ANKLE2: variants seen among roughly 807,000 people sequenced by gnomAD.
The protein encoded by ANKLE2 is ankyrin repeat and LEM domain-containing protein 2.
Under a neutral mutation model 84.2 loss-of-function variants are expected in ANKLE2, and 55 were observed. That is an observed-to-expected ratio of 0.65 (90% CI 0.53 to 0.82). The LOEUF is 0.82. Ranked by LOEUF, ANKLE2 falls within the 40% of genes least tolerant of loss-of-function variation. The pLI is 0.00. For synonymous variants in ANKLE2, 551 were observed against 486.1 expected, an observed-to-expected ratio of 1.13 and a Z score of -1.76; for missense variants, 1,238 against 1,201.9, an observed-to-expected ratio of 1.03 and a Z score of -0.44.
chr12:132,746,314 A>G (rs945076060), intron 5 of ANKLE2, among the ~76,000 whole-genome samples: 2 of 143,898 alleles, frequency 1.4e-5, no homozygotes, highest in Non-Finnish European at 1.5e-5. Flanking sequence ...GTGCCACTGC[A>G]CTCCCACCTG....
chr12:132,745,895 C>T (rs756956397), intron 5 of ANKLE2, among the ~76,000 whole-genome samples: 12 of 152,210 alleles, frequency 7.9e-5, no homozygotes, highest in Admixed American at 2.0e-4. Context: ...CACAAGGAGA[C>T]GTGGCTACCG....
intron 12 of ANKLE2, 145 bp from the exon 13 acceptor site, chr12:132,727,588 A>ACTGCTGAACCCTGGCAACGTGGGCACACG: frequency 2.2e-6 from 1 of 446,452 alleles, no homozygotes; most frequent in Non-Finnish European, 3.4e-6. Context: ...GCGGGCACAC[A>ACTGCTGAACCCTGGCAACGTGGGCACACG]CGCCCGGGTG....
intron 2 of ANKLE2, among the ~76,000 whole-genome samples, chr12:132,753,864 G>A (rs143601826): frequency 0.011 from 1,642 of 152,352 alleles, 28 homozygotes; most frequent in African/African-American, 0.037. Flanking sequence ...CAGAAAGGTT[G>A]AGGCTGCAGT....
In ANKLE2 at chr12:132,755,026, T is replaced by A; in HGVS notation, c.289A>T (p.Thr97Ser). ...TTTTTCTCAAAAATGAACCTTGTAG[T>A]TGATGTAATGGGTCCACATTTCAAT... Reference protein sequence around the residue: ...AGLKCGPITSTTRFIFEKKLA... With the variant: ...AGLKCGPITSSTRFIFEKKLA... The change falls in exon 2 of 13, where the codon ACT becomes TCT. Residue 97 changes from threonine (T) to serine (S), a missense_variant. By Grantham distance (58) the Thr-to-Ser change is moderately conservative. Around this residue, in one of 3 missense-constraint regions of ANKLE2, gnomAD observed 422 missense variants for 394.5 expected, o/e 1.07. Transcript: ENST00000357997. The A allele has an allele frequency of 1.2e-6, 2 of 1,614,184 alleles. No homozygotes were observed. Among genetic ancestry groups the A allele is most frequent in the South Asian group, 2.2e-5 (2 of 91,088 alleles).
Position 132,754,795 on chromosome 12 carries a change from T to C in ANKLE2, c.520A>G (p.Lys174Glu), listed in dbSNP as rs2044440592. 1 of 1,614,172 alleles carries C rather than the reference T, an allele frequency of 6.2e-7. No individual in the cohort carries two copies. The change falls in exon 2 of 13, where the codon AAG becomes GAG. Residue 174 changes from lysine (K) to glutamate (E), a missense_variant. Physicochemically the swap from Lys to Glu is moderately conservative, Grantham distance 56 (BLOSUM62 1). Around this residue, in one of 3 missense-constraint regions of ANKLE2, gnomAD observed 422 missense variants for 394.5 expected, o/e 1.07. Coordinates refer to ENST00000357997, the MANE Select transcript of ANKLE2 (RefSeq NM_015114.3). ...NPPEEEAVTSKTCSVPPSDTD... is the reference protein window; with the variant it reads ...NPPEEEAVTSETCSVPPSDTD... ...TCACTAGGGGGCACCGAGCAGGTCT[T>C]GGATGTCACAGCTTCCTCCTCTGGA...
chr12:132,759,085 CACCCCGGGGCACCCACGTGGCAGAGTGG>C (rs2044551113), intron 1 of ANKLE2: 1 of 124,120 alleles, frequency 8.1e-6, no homozygotes, highest in African/African-American at 3.4e-5. Context: ...TGCGGAGTGG[CACCCCGGGGCACCCACGTGGCAGAGTGG>C]ATCACGCAGA....
In ANKLE2 at chr12:132,748,002, C is replaced by A. The variant is rs117750374; in HGVS notation, c.1060G>T (p.Val354Leu). The change falls in exon 5 of 13, where the codon GTG becomes TTG. Residue 354 changes from valine (V) to leucine (L), a missense_variant. Physicochemically the swap from Val to Leu is conservative, Grantham distance 32. Coordinates refer to ENST00000357997, the MANE Select transcript of ANKLE2 (RefSeq NM_015114.3). ...TIVQEGCRYN[V>L]MHVAAKENQA... ...TTCTCTTTGGCAGCAACATGCATCA[C>A]GTTGTACCTGCACCCTTCCTGAAAG... 7.1e-5 allele frequency: 113 copies of A among 1,601,640 alleles called. No individual in the cohort carries two copies. Among genetic ancestry groups the A allele is most frequent in the East Asian group, 3.6e-4 (16 of 44,796 alleles).
intron 5 of ANKLE2, among the ~76,000 whole-genome samples, chr12:132,744,824 G>T (rs368960462): frequency 2.0e-5 from 3 of 152,134 alleles, no homozygotes; most frequent in Admixed American, 6.5e-5. Flanking sequence ...GGGACTACAG[G>T]TGCCCGCCAC....
At chr12:132,754,614 C>G in intron 2 of ANKLE2, 61 bp downstream of exon 2, 1 of 1,481,260 alleles carries the variant, frequency 6.8e-7, no homozygotes, top group Non-Finnish European at 9.0e-7. Context: ...TTTCAGACGT[C>G]ATCCCGCCCC....
intron 1 of ANKLE2, chr12:132,758,519 C>T (rs1315585400): frequency 2.0e-5 from 3 of 152,388 alleles, no homozygotes; most frequent in East Asian, 3.9e-4. Flanking sequence ...TTATAATGTT[C>T]CATTAACAAT....
At chr12:132,734,755 T>A (rs1397190661) in intron 9 of ANKLE2, 180 bp from the exon 10 acceptor site, 1 of 614,512 alleles carries the variant, frequency 1.6e-6, no homozygotes, top group Non-Finnish European at 2.7e-6. Flanking sequence ...ACAGCACGCC[T>A]CCTCACAGGT....
Position 132,725,514 on chromosome 12 carries a change from T to C in ANKLE2, c.*1728A>G, listed in dbSNP as rs956350183. ...TTATTACCACGCGGTTTTGAAGTAA[T>C]TCATTTCATTAAGTGTTTTGTGAAG... On this transcript the variant is annotated 3_prime_UTR_variant, in exon 13 of 13. Coordinates refer to ENST00000357997, the MANE Select transcript of ANKLE2 (RefSeq NM_015114.3). The C allele has an allele frequency of 4.6e-5, 7 of 152,212 alleles. No individual in the cohort carries two copies. The highest frequency in any genetic ancestry group is 1.0e-4 in the Non-Finnish European group (7 of 68,036). 9.4% of individuals were successfully genotyped at this position (152,212 alleles called of 1,614,324 possible). A position where few individuals can be genotyped will look rare whatever the true frequency, so the allele number is the denominator to read the frequency against.
intron 12 of ANKLE2, 44 bp downstream of exon 12, chr12:132,727,988 C>T: frequency 6.4e-7 from 1 of 1,567,358 alleles, no homozygotes; most frequent in Non-Finnish European, 8.6e-7. Flanking sequence ...CAGAAGTTTC[C>T]AAAAGCTGCC....
At chr12:132,732,611 T>C (rs2043894040) in intron 10 of ANKLE2, among the ~76,000 whole-genome samples, 2 of 126,972 alleles carry the variant, frequency 1.6e-5, no homozygotes, top group African/African-American at 3.0e-5. Flanking sequence ...TGAAGCTCTC[T>C]GCGTCCTGGT....
At chr12:132,733,439 T>A (rs187885483) in intron 10 of ANKLE2, among the ~76,000 whole-genome samples, 105 of 115,116 alleles carry the variant, frequency 9.1e-4, no homozygotes, top group African/African-American at 3.4e-3. Context: ...CGTGTGAAGC[T>A]CTCTGCGTGC....
intron 5 of ANKLE2, among the ~76,000 whole-genome samples, chr12:132,744,506 C>A (rs73487132): frequency 6.6e-6 from 1 of 152,082 alleles, no homozygotes; most frequent in African/African-American, 2.4e-5. Flanking sequence ...CTAGGTCACC[C>A]GCAAATGTCC....
rs772358736 is a variant in ANKLE2, at chr12:132,754,936, C to T, written c.379G>A (p.Val127Ile). 1 of 1,614,216 alleles carries T rather than the reference C, an allele frequency of 6.2e-7. No homozygotes were observed. The highest frequency in any genetic ancestry group is 1.1e-5 in the South Asian group (1 of 91,086). ...TGTGGGTCCTGGCTGAGAGCTGTGACACCTGCCTCATGGTGGTAGAAAGAA... is the reference window on the plus strand; with the variant it reads ...TGTGGGTCCTGGCTGAGAGCTGTGATACCTGCCTCATGGTGGTAGAAAGAA... ...LSSFYHHEAG[V>I]TALSQDPQRI... is the part of the protein sequence containing the mutation. Residue 127 changes from valine (V) to isoleucine (I), a missense_variant, in exon 2 of 13, where the codon GTC becomes ATC. Physicochemically the swap from Val to Ile is conservative, Grantham distance 29 (BLOSUM62 3). Transcript: ENST00000357997.
intron 1 of ANKLE2, chr12:132,759,622 A>G (rs936156189): frequency 6.9e-6 from 1 of 144,950 alleles, no homozygotes; most frequent in Non-Finnish European, 1.5e-5. Context: ...ATAAATCAGT[A>G]TTTTTTTATT....
rs577692117 is a variant in ANKLE2, at chr12:132,746,144, G to C, written c.1230+1688C>G. Among the ~76,000 whole-genome samples the C allele has an allele frequency of 4.1e-4, 63 of 152,180 alleles. 1 individual carries two copies. In the South Asian group the frequency reaches 5.8e-3, roughly 14 times the overall value. On this transcript the variant is annotated intron_variant, in intron 5 of 12. Coordinates refer to ENST00000357997, the MANE Select transcript of ANKLE2 (RefSeq NM_015114.3). ...CGGGCCGATCACGAGGTCAGGAGAT[G>C]GAGACCATCCTGGCTAACACGGTGA...
Sources: allele counts gnomAD v4.1 joint callset (sites outside exome capture counted in the v4.1 genomes callset), GRCh38; gene constraint gnomAD v4.1.1; regional missense constraint gnomAD v4.1.1; transcripts MANE v1.5; gene names NCBI Gene and HGNC (gene_info 2026-07-23, HGNC 2026-07-21).